ENPP2: variants seen among roughly 807,000 people sequenced by gnomAD.
The protein encoded by ENPP2 is autotaxin.
In ENPP2, 51 loss-of-function variants were observed where a neutral mutation model predicts 120.2. That is an observed-to-expected ratio of 0.42 (90% confidence interval 0.34 to 0.54). The LOEUF (loss-of-function observed/expected upper bound fraction) is 0.54, where lower values mean the gene tolerates loss of function less well. Among genes scored for constraint, ENPP2 ranks in the 20% least tolerant of loss-of-function variants. The pLI, the probability that ENPP2 is intolerant of heterozygous loss-of-function variation, is 0.04. For synonymous variants in ENPP2, 365 were observed against 366.4 expected, an observed-to-expected ratio of 1.00 and a Z score of 0.04; for missense variants, 920 against 1,066.5, an observed-to-expected ratio of 0.86 and a Z score of 1.91.
Position 119,621,393 on chromosome 8 carries a change from C to G in ENPP2, c.418+1G>C. On this transcript the variant is annotated splice_donor_variant, in intron 4 of 24. Coordinates refer to ENST00000075322, the MANE Select transcript of ENPP2 (RefSeq NM_001040092.3). LOFTEE classifies it high-confidence loss of function. ...TCAGGCCAATCCAAAGAAACACGTA[C>G]CTTTGCAAACCACTTGGTAATTGGT... 6.2e-7 allele frequency: 1 copy of G among 1,613,038 alleles called. No individual in the cohort carries two copies. The highest frequency in any genetic ancestry group is 8.5e-7 in the Non-Finnish European group (1 of 1,179,230).
At chr8:119,578,643 A>T (rs1389384552) in intron 19 of ENPP2, among the ~76,000 whole-genome samples, 3 of 152,206 alleles carry the variant, frequency 2.0e-5, no homozygotes, top group Non-Finnish European at 4.4e-5. Context: ...CAATGTTCTA[A>T]TTGTTCTAAT....
intron 2 of ENPP2, among the ~76,000 whole-genome samples, chr8:119,634,615 G>A (rs1205755460): frequency 1.3e-5 from 2 of 152,072 alleles, no homozygotes; most frequent in Non-Finnish European, 2.9e-5. Context: ...TAGATCTCTA[G>A]GCCTTGTATG....
intron 8 of ENPP2, among the ~76,000 whole-genome samples, chr8:119,611,116 G>T (rs895955484): frequency 3.9e-5 from 6 of 152,082 alleles, no homozygotes; most frequent in Admixed American, 3.9e-4. Flanking sequence ...AATCAAAAAG[G>T]CTTCCTCCAC....
intron 9 of ENPP2, among the ~76,000 whole-genome samples, chr8:119,606,996 C>T (rs1814764253): frequency 6.6e-6 from 1 of 152,098 alleles, no homozygotes; most frequent in African/African-American, 2.4e-5. Context: ...CATCTTAAGG[C>T]TTATGAACAT....
chr8:119,606,922 T>C (rs144555869), intron 9 of ENPP2, among the ~76,000 whole-genome samples: 259 of 152,198 alleles, frequency 1.7e-3, no homozygotes, highest in Non-Finnish European at 2.7e-3. Context: ...TTGAAACAGA[T>C]TCCTTTTCTT....
chr8:119,641,382 C>T (rs1033183208), upstream of ENPP2, among the ~76,000 whole-genome samples: 1 of 150,684 alleles, frequency 6.6e-6, no homozygotes, highest in African/African-American at 2.4e-5. Context: ...ACTAAAATGA[C>T]TGGAATTAGT....
At position 119,617,207 on chromosome 8, in the gene ENPP2, A is replaced by C; in HGVS notation, c.614T>G (p.Val205Gly). Residue 205 changes from valine (V) to glycine (G), a missense_variant, in exon 7 of 25, where the codon GTG becomes GGG. Physicochemically the swap from Val to Gly is moderately radical, Grantham distance 109. Transcript: ENST00000075322. ...CGTHSPYMRP[V>G]YPTKTFPNLY... Reference sequence around the variant, plus strand: ...GTTAGGAAAGGTTTTAGTTGGGTACACCGGCCTCATGTAGGGAGAGTGTGT... The same window carrying C: ...GTTAGGAAAGGTTTTAGTTGGGTACCCCGGCCTCATGTAGGGAGAGTGTGT... 1 of 1,613,872 alleles carries C rather than the reference A, an allele frequency of 6.2e-7. No individual in the cohort carries two copies. The highest frequency in any genetic ancestry group is 8.5e-7 in the Non-Finnish European group (1 of 1,179,736).
In ENPP2 at chr8:119,587,045, G is replaced by A. The variant is rs202191091; in HGVS notation, c.1238C>T (p.Thr413Met). Residue 413 changes from threonine (T) to methionine (M), a missense_variant and splice_region_variant, in exon 14 of 25, where the codon ACG becomes ATG. Coordinates refer to ENST00000075322, the MANE Select transcript of ENPP2 (RefSeq NM_001040092.3). The part of the protein sequence containing the change: ...YDPKAIIANL[T>M]CKKPDQHFKP... ...GGCGGGACAACTGGAAACACTTACC[G>A]TGAGATTGGCAATAATGGCTTTGGG... 2.6e-5 allele frequency: 42 copies of A among 1,608,570 alleles called. No individual in the cohort carries two copies. Among genetic ancestry groups the A allele is most frequent in the Non-Finnish European group, 2.2e-5 (26 of 1,177,910 alleles).
Position 119,654,344 on chromosome 8 carries a change from CTG to C in ENPP2, c.22-15819_22-15818del, listed in dbSNP as rs535940603. 4.2e-3 allele frequency among the ~76,000 whole-genome samples: 591 copies of C among 140,430 alleles called. 2 individuals are homozygous for C. Among genetic ancestry groups the C allele is most frequent in the South Asian group, 0.018 (80 of 4,568 alleles). The allele number at this position is 140,430 out of a possible 152,430, so 92.1% of individuals were successfully genotyped here. A position where few individuals can be genotyped will look rare whatever the true frequency, so the allele number is the denominator to read the frequency against. On this transcript the variant is annotated intron_variant, in intron 1 of 25. Transcript: ENST00000427067. ...TATAATTATATATAGAGATATATCT[CTG>C]TATAATATTTAATATATAATTATAT...
intron 3 of ENPP2, among the ~76,000 whole-genome samples, chr8:119,623,661 T>C (rs1816067070): frequency 6.6e-6 from 1 of 152,138 alleles, no homozygotes; most frequent in Admixed American, 6.5e-5. Context: ...AGTCTCACTC[T>C]GTCGCCTGGG....
In ENPP2 at chr8:119,616,433, C is replaced by T. The variant is rs377727147; in HGVS notation, c.658-49G>A. ...GTTAAAATAACAATACAATAATCCA[C>T]ATACATTAGTTCTAGTATGAATTTT... On this transcript the variant is annotated intron_variant, in intron 7 of 24. Transcript: ENST00000075322. The T allele has an allele frequency of 4.5e-5, 63 of 1,401,442 alleles. No homozygotes were observed. In the African/African-American group the frequency reaches 7.9e-4, roughly 18 times the overall value. 86.8% of individuals were successfully genotyped at this position (1,401,442 alleles called of 1,614,324 possible).
chr8:119,570,205 G>A (rs1308151108), intron 20 of ENPP2, among the ~76,000 whole-genome samples: 2 of 150,196 alleles, frequency 1.3e-5, no homozygotes, highest in African/African-American at 2.5e-5. Context: ...GGAGGCAGAG[G>A]TTGCAGTGAG....
chr8:119,606,478 C>T (rs963704202), intron 9 of ENPP2, among the ~76,000 whole-genome samples: 7 of 152,126 alleles, frequency 4.6e-5, no homozygotes, highest in Non-Finnish European at 5.9e-5. Flanking sequence ...CTTCTATGAG[C>T]GTCTATGACA....
chr8:119,646,998 CTTT>C (rs528326819), intron 1 of ENPP2, among the ~76,000 whole-genome samples: 5 of 140,072 alleles, frequency 3.6e-5, no homozygotes, highest in East Asian at 2.0e-4. Context: ...TAATCTCTCT[CTTT>C]TTTTTTTTTT....
At chr8:119,607,617 G>A (rs1394359267) in intron 9 of ENPP2, among the ~76,000 whole-genome samples, 1 of 151,738 alleles carries the variant, frequency 6.6e-6, no homozygotes, top group Non-Finnish European at 1.5e-5. Flanking sequence ...AGAGGTTGCA[G>A]TGAGCCAAGA....
intron 9 of ENPP2, among the ~76,000 whole-genome samples, chr8:119,607,674 C>CA (rs56095103): frequency 4.5e-3 from 445 of 98,566 alleles, no homozygotes; most frequent in African/African-American, 8.5e-3. Flanking sequence ...GACTCCATCT[C>CA]AAAAAAAAAA....
intron 24 of ENPP2, among the ~76,000 whole-genome samples, chr8:119,558,601 C>A (rs1813665427): frequency 6.6e-6 from 1 of 152,090 alleles, no homozygotes; most frequent in African/African-American, 2.4e-5. Flanking sequence ...TCAGGGGAAG[C>A]AGTTCTTTGC....
intron 21 of ENPP2, 116 bp downstream of exon 21, chr8:119,569,119 A>C (rs1008879240): frequency 3.1e-6 from 3 of 966,822 alleles, no homozygotes; most frequent in Middle Eastern, 2.2e-4. Flanking sequence ...ATTCATTTAG[A>C]TAATCTTCTG....
chr8:119,672,233 G>A (rs546844110), intron 1 of ENPP2, among the ~76,000 whole-genome samples: 1 of 152,286 alleles, frequency 6.6e-6, no homozygotes, highest in Admixed American at 6.5e-5. Flanking sequence ...TGACCACTGC[G>A]GGGGAAACCG....
Sources: allele counts gnomAD v4.1 joint callset (sites outside exome capture counted in the v4.1 genomes callset), GRCh38; gene constraint gnomAD v4.1.1; transcripts MANE v1.5; gene names NCBI Gene and HGNC (gene_info 2026-07-23, HGNC 2026-07-21).